The following PPP1R13B variants were observed in gnomAD, a reference collection of about 807,000 sequenced individuals.
PPP1R13B encodes the protein apoptosis-stimulating of p53 protein 1.
A neutral mutation model predicts 119.8 loss-of-function variants in PPP1R13B; 44 were observed. That is an observed-to-expected ratio of 0.37 (90% confidence interval 0.29 to 0.47). The LOEUF (loss-of-function observed/expected upper bound fraction) is 0.47. Ranked by LOEUF, PPP1R13B falls within the 20% of genes least tolerant of loss-of-function variation. The pLI, the probability that PPP1R13B is intolerant of heterozygous loss-of-function variation, is 0.99. For synonymous variants in PPP1R13B, 542 were observed against 561.5 expected (o/e 0.97, Z 0.49); for missense variants, 1,227 against 1,413.5 (o/e 0.87, Z 2.12).
chr14:103,795,966 C>T (rs1000471985), intron 2 of PPP1R13B, among the ~76,000 whole-genome samples: 3 of 152,086 alleles, frequency 2.0e-5, no homozygotes, highest in African/African-American at 7.2e-5. Context: ...TTTTACAATT[C>T]AGTAACAAAA....
intron 3 of PPP1R13B, among the ~76,000 whole-genome samples, chr14:103,779,313 AT>A (rs1378314938): frequency 6.6e-6 from 1 of 152,142 alleles, no homozygotes; most frequent in Non-Finnish European, 1.5e-5. Context: ...TTTAAAAAAA[AT>A]AAATTAAAAA....
intron 4 of PPP1R13B, among the ~76,000 whole-genome samples, chr14:103,776,647 C>T (rs536652247): frequency 2.8e-4 from 42 of 152,204 alleles, no homozygotes; most frequent in Non-Finnish European, 2.2e-4. Flanking sequence ...CCAAGGTGGG[C>T]GGATCACAAG....
intron 8 of PPP1R13B, 44 bp downstream of exon 8, chr14:103,749,750 A>G (rs752730888): frequency 1.8e-5 from 28 of 1,589,744 alleles, no homozygotes; most frequent in Non-Finnish European, 2.3e-5. Flanking sequence ...ATGCTTGGAT[A>G]AACTATCTTT....
Position 103,847,471 on chromosome 14 carries a change from GGCCCTGTCGCGGCCGCCGGCGCGCT to G in PPP1R13B, c.-189_-165del, listed in dbSNP as rs1454988103. On this transcript the variant is annotated 5_prime_UTR_variant, in exon 1 of 17. Transcript: ENST00000202556. The stretch of plus-strand genomic sequence containing the variant: ...TGCGGCGGGCTGCGGGGCTCTCGCT[GGCCCTGTCGCGGCCGCCGGCGCGCT>G]GCGTCGCTGTCCCGGGCACCCGGCC... 1 of 990,824 alleles carries G rather than the reference GGCCCTGTCGCGGCCGCCGGCGCGCT, an allele frequency of 1.0e-6. No homozygotes were observed. Among genetic ancestry groups the G allele is most frequent in the African/African-American group, 1.8e-5 (1 of 56,832 alleles). The allele number at this position is 990,824 out of a possible 1,614,324, so 61.4% of individuals were successfully genotyped here. A position where few individuals can be genotyped will look rare whatever the true frequency, so the allele number is the denominator to read the frequency against.
intron 1 of PPP1R13B, among the ~76,000 whole-genome samples, chr14:103,801,901 A>G (rs1350905827): frequency 6.6e-6 from 1 of 152,214 alleles, no homozygotes; most frequent in Admixed American, 6.5e-5. Context: ...CTATTTTACA[A>G]TAAATTTTTT....
chr14:103,835,468 T>C (rs1347273734), intron 1 of PPP1R13B, among the ~76,000 whole-genome samples: 1 of 150,244 alleles, frequency 6.7e-6, no homozygotes, highest in African/African-American at 2.5e-5. Flanking sequence ...TCTTGCTCTG[T>C]TGCCCAGACT....
At chr14:103,817,628 TAA>T (rs2086310778) in intron 1 of PPP1R13B, among the ~76,000 whole-genome samples, 1 of 152,190 alleles carries the variant, frequency 6.6e-6, no homozygotes, top group African/African-American at 2.4e-5. Context: ...AAATTTATAA[TAA>T]GACACAACAT....
chr14:103,757,061 C>CTT (rs772002409), intron 5 of PPP1R13B, among the ~76,000 whole-genome samples: 2 of 142,444 alleles, frequency 1.4e-5, no homozygotes, highest in Non-Finnish European at 1.5e-5. Context: ...TGCACCCAGC[C>CTT]TTTTTTTTTT....
chr14:103,816,292 G>A (rs2086277972), intron 1 of PPP1R13B, among the ~76,000 whole-genome samples: 1 of 150,862 alleles, frequency 6.6e-6, no homozygotes, highest in African/African-American at 2.4e-5. Flanking sequence ...CAAGTAGCTG[G>A]GAATACAGGT....
chr14:103,773,448 CA>C (rs1449548281), intron 4 of PPP1R13B, among the ~76,000 whole-genome samples: 1 of 152,158 alleles, frequency 6.6e-6, no homozygotes, highest in Admixed American at 6.5e-5. Context: ...GCTCTGCTCA[CA>C]AGGGAGGATT....
intron 4 of PPP1R13B, among the ~76,000 whole-genome samples, chr14:103,771,475 C>CTTTTTTTTT (rs57795299): frequency 1.0e-5 from 1 of 96,978 alleles, no homozygotes; most frequent in African/African-American, 4.1e-5. Flanking sequence ...ACTAACACTT[C>CTTTTTTTTT]TTTTTTTTTT....
intron 3 of PPP1R13B, among the ~76,000 whole-genome samples, chr14:103,782,571 C>T (rs1048291403): frequency 2.6e-5 from 4 of 152,292 alleles, no homozygotes; most frequent in Middle Eastern, 3.4e-3. Context: ...ATAGAAGGTG[C>T]CAACCGCCTC....
rs77914342 is a variant in PPP1R13B, at chr14:103,799,808, G to A, written c.10-2290C>T. 5.0e-3 allele frequency among the ~76,000 whole-genome samples: 758 copies of A among 152,048 alleles called. 8 individuals carry two copies. The highest frequency in any genetic ancestry group is 0.017 in the African/African-American group (720 of 41,494). ...CACATCTATAATCCCAGATTTGGGA[G>A]GCCAAGGTGGGTGGATCACCTGAGG... On this transcript the variant is annotated intron_variant, in intron 1 of 16. Coordinates refer to ENST00000202556, the MANE Select transcript of PPP1R13B (RefSeq NM_015316.3).
rs544030037 is a variant in PPP1R13B, at chr14:103,749,552, G to A, written c.969+242C>T. Among the ~76,000 whole-genome samples, 15 of 152,300 alleles carry A rather than the reference G, an allele frequency of 9.8e-5. No individual in the cohort carries two copies. The South Asian group carries it at 2.3e-3, about 23-fold the overall frequency. On this transcript the variant is annotated intron_variant, in intron 8 of 16. Transcript: ENST00000202556. ...AAGAGGAGACAGAAACACATGGGGA[G>A]GAAGGAAGGCCAGGACACTGAGAGC...
Position 103,740,070 on chromosome 14 carries a change from G to A in PPP1R13B, c.2346C>T (p.Pro782=), listed in dbSNP as rs764606468. The part of the protein sequence containing the change: ...LPPAQPTAPL[P]AEPAPSSDAN... ...CATCTGATGACGGGGCAGGCTCAGC[G>A]GGGAGTGGGGCTGTGGGCTGGGCAG... The change falls in exon 12 of 17, where the codon CCC becomes CCT. Residue 782 remains proline, a synonymous_variant. Transcript: ENST00000202556. This position sits in a 1 kb window ranked among gnomAD's most constrained non-coding sequence, Gnocchi z 4.6. 1.6e-5 allele frequency: 26 copies of A among 1,613,848 alleles called. No individual in the cohort carries two copies. Among genetic ancestry groups the A allele is most frequent in the Middle Eastern group, 1.6e-4 (1 of 6,084 alleles).
At chr14:103,839,627 C>T (rs376780443) in intron 1 of PPP1R13B, among the ~76,000 whole-genome samples, 1 of 135,080 alleles carries the variant, frequency 7.4e-6, no homozygotes, top group African/African-American at 2.7e-5. Flanking sequence ...AACTCTGCCT[C>T]AAAAAAAAAA....
At chr14:103,846,676 G>A (rs2087044743) in intron 1 of PPP1R13B, 1 of 452,358 alleles carries the variant, frequency 2.2e-6, no homozygotes, top group Non-Finnish European at 4.4e-6. Flanking sequence ...CTTTCTAGGC[G>A]AAAGCATCCT....
At chr14:103,800,797 C>A (rs1301224904) in intron 1 of PPP1R13B, among the ~76,000 whole-genome samples, 2 of 152,020 alleles carry the variant, frequency 1.3e-5, no homozygotes, top group Non-Finnish European at 2.9e-5. Context: ...GAACTGGTTT[C>A]CTTGCCACTA....
intron 1 of PPP1R13B, among the ~76,000 whole-genome samples, chr14:103,805,738 T>G (rs749575276): frequency 8.5e-5 from 13 of 152,186 alleles, no homozygotes; most frequent in Non-Finnish European, 1.5e-4. Context: ...ATGGATGAAC[T>G]TTGAAAATAC....
Sources: gnomAD v4.1 joint callset for allele counts (sites outside exome capture counted in the v4.1 genomes callset) on GRCh38, gnomAD v4.1.1 for gene constraint, Gnocchi (gnomAD v3.1) non-coding constraint, MANE v1.5 for transcripts, NCBI Gene and HGNC (gene_info 2026-07-23, HGNC 2026-07-21) for gene names.